Variants in RNF220 observed in about 807,000 individuals in gnomAD.
RNF220 encodes ring finger protein 220.
In RNF220, 7 loss-of-function variants were observed where a neutral mutation model predicts 67.1. That is an observed-to-expected ratio of 0.10 (90% CI 0.06 to 0.20). RNF220 has a LOEUF of 0.20. RNF220 is among the 10% of genes least tolerant of loss of function. The pLI is 1.00. For synonymous variants in RNF220, 270 were observed against 283.2 expected, an observed-to-expected ratio of 0.95 and a Z score of 0.47; for missense variants, 565 against 740.3, an observed-to-expected ratio of 0.76 and a Z score of 2.75.
intron 2 of RNF220, among the ~76,000 whole-genome samples, chr1:44,541,942 G>A (rs758242779): frequency 6.6e-6 from 1 of 152,180 alleles, no homozygotes; most frequent in Admixed American, 6.5e-5. Context: ...ATGCCCCCGG[G>A]TGGAGCAAGA....
At chr1:44,510,548 C>G (rs1042942359) in intron 2 of RNF220, among the ~76,000 whole-genome samples, 4 of 152,150 alleles carry the variant, frequency 2.6e-5, no homozygotes, top group African/African-American at 4.8e-5. Flanking sequence ...TTAACATCAC[C>G]CTCCCTGACT....
intron 4 of RNF220, 119 bp from the exon 5 acceptor site, chr1:44,626,177 TC>T: frequency 1.4e-6 from 1 of 698,628 alleles, no homozygotes; most frequent in East Asian, 2.7e-5. Context: ...GAGTGGTCTT[TC>T]TATCCCTCAG....
At position 44,626,229 on chromosome 1, in the gene RNF220, T is replaced by A. The variant is rs1048539248; in HGVS notation, c.805-68T>A. Reference sequence around the variant, plus strand: ...CTGGCTCCCCAAAGCACCACAGGACTGGGAACTCTAGGGACTGACTGTAGG... The same window carrying A: ...CTGGCTCCCCAAAGCACCACAGGACAGGGAACTCTAGGGACTGACTGTAGG... On this transcript the variant is annotated intron_variant, in intron 4 of 14. Transcript: ENST00000361799. 2.5e-6 allele frequency: 3 copies of A among 1,210,906 alleles called. No individual in the cohort carries two copies. The African/African-American group carries it at 4.5e-5, about 18-fold the overall frequency. 75.0% of individuals were successfully genotyped at this position (1,210,906 alleles called of 1,614,324 possible).
rs1196091016 is a variant in RNF220 at position 44,651,317 on chromosome 1, CCT to C, written c.*552_*553del. 3.9e-5 allele frequency: 7 copies of C among 178,224 alleles called. No individual in the cohort carries two copies. The highest frequency in any genetic ancestry group is 3.8e-4 in the South Asian group (3 of 7,982). The allele number at this position is 178,224 out of a possible 1,614,324, so 11.0% of individuals were successfully genotyped here. On this transcript the variant is annotated 3_prime_UTR_variant, in exon 15 of 15. Coordinates refer to ENST00000361799, the MANE Select transcript of RNF220 (RefSeq NM_018150.4). The stretch of plus-strand genomic sequence containing the variant: ...GCCCATCCACCTCTTGGGGTACCTG[CCT>C]CTCTCTCTCCTGTGGTGTCCCTTCC...
At chr1:44,500,970 T>C (rs1657797709) in intron 2 of RNF220, among the ~76,000 whole-genome samples, 2 of 136,342 alleles carry the variant, frequency 1.5e-5, no homozygotes, top group African/African-American at 2.7e-5. Context: ...AGAGTGGGCC[T>C]GGGGGCCCCA....
At chr1:44,632,467 C>A (rs1573128112) in intron 6 of RNF220, 82 bp downstream of exon 6, 3 of 1,219,954 alleles carry the variant, frequency 2.5e-6, no homozygotes, top group Non-Finnish European at 3.3e-6. Context: ...CCTGGCTTGC[C>A]TGGGTCTCTT....
chr1:44,475,297 G>A (rs759605839), intron 2 of RNF220, among the ~76,000 whole-genome samples: 28 of 152,236 alleles, frequency 1.8e-4, no homozygotes, highest in Non-Finnish European at 2.8e-4. Flanking sequence ...CAGGCTGGGC[G>A]CGGTGGCTCA....
chr1:44,646,382 C>A (rs1009635796), intron 12 of RNF220, among the ~76,000 whole-genome samples: 1 of 152,262 alleles, frequency 6.6e-6, no homozygotes. Context: ...GCCGGGGCCG[C>A]GAGTGCTGCT....
intron 2 of RNF220, among the ~76,000 whole-genome samples, chr1:44,472,132 A>C (rs1654868206): frequency 6.6e-6 from 1 of 152,170 alleles, no homozygotes; most frequent in South Asian, 2.1e-4. Context: ...GATGGAATGG[A>C]TCTTGTTTCC....
intron 2 of RNF220, among the ~76,000 whole-genome samples, chr1:44,463,354 G>GA (rs778712976): frequency 0.072 from 10,854 of 150,112 alleles, 444 homozygotes; most frequent in East Asian, 0.17. Context: ...AAAAAAGAAA[G>GA]AAAGAAAATA....
chr1:44,595,073 C>T (rs1666380620), intron 2 of RNF220, among the ~76,000 whole-genome samples: 1 of 152,194 alleles, frequency 6.6e-6, no homozygotes, highest in Non-Finnish European at 1.5e-5. Context: ...ACTGGTCTCA[C>T]CTAGGAGCTT....
chr1:44,494,649 A>C (rs558730611), intron 2 of RNF220, among the ~76,000 whole-genome samples: 1 of 152,316 alleles, frequency 6.6e-6, no homozygotes, highest in Non-Finnish European at 1.5e-5. Context: ...ATTTGTGGAA[A>C]TGTATTTGTT....
At chr1:44,547,509 AGACAGCTCCTTCTCT>A (rs1303567429) in intron 2 of RNF220, among the ~76,000 whole-genome samples, 1 of 152,052 alleles carries the variant, frequency 6.6e-6, no homozygotes, top group African/African-American at 2.4e-5. Context: ...TTCTCCTTGC[AGACAGCTCCTTCTCT>A]GGCTCTTTGC....
chr1:44,580,933 T>C (rs1665232153), intron 2 of RNF220, among the ~76,000 whole-genome samples: 1 of 152,200 alleles, frequency 6.6e-6, no homozygotes, highest in Non-Finnish European at 1.5e-5. Context: ...GCCTTGCTCT[T>C]CCCTTGATTT....
chr1:44,448,240 A>G lies in RNF220; in HGVS notation c.625+35518A>G, dbSNP rs541772670. Among the ~76,000 whole-genome samples the G allele has an allele frequency of 2.0e-5, 3 of 152,368 alleles. No individual in the cohort carries two copies. The South Asian group carries it at 6.2e-4, about 32-fold the overall frequency. On this transcript the variant is annotated intron_variant, in intron 2 of 14. Transcript: ENST00000361799. ...CTCGAACCTGCGAGGCAGAGGTTGC[A>G]GTGAGCCGAGATTGCCGCACTGCAG...
chr1:44,509,323 G>A (rs1658731711), intron 2 of RNF220, among the ~76,000 whole-genome samples: 1 of 151,942 alleles, frequency 6.6e-6, no homozygotes, highest in Non-Finnish European at 1.5e-5. Flanking sequence ...GGCCCAGGAG[G>A]GCAGATCACG....
Position 44,531,692 on chromosome 1 carries a change from CTT to C in RNF220, c.626-82471_626-82470del, listed in dbSNP as rs1572792094. Among the ~76,000 whole-genome samples, 3 of 152,296 alleles carry C rather than the reference CTT, an allele frequency of 2.0e-5. No homozygotes were observed. The East Asian group carries it at 5.8e-4, about 29-fold the overall frequency. ...AAAGACAGCCCCCAAAGCCATGACA[CTT>C]TGGGGTCAGAAGAGCCCTTCAAGAT... On this transcript the variant is annotated intron_variant, in intron 2 of 14. Transcript: ENST00000361799.
At chr1:44,631,236 T>TA (rs1419101507) in intron 5 of RNF220, among the ~76,000 whole-genome samples, 1 of 152,232 alleles carries the variant, frequency 6.6e-6, no homozygotes, top group African/African-American at 2.4e-5. Flanking sequence ...AATGTACTCT[T>TA]ACACAAGGCA....
chr1:44,610,752 C>A (rs1295568960), intron 2 of RNF220, among the ~76,000 whole-genome samples: 1 of 152,144 alleles, frequency 6.6e-6, no homozygotes, highest in Non-Finnish European at 1.5e-5. Flanking sequence ...ATTCCAGGGG[C>A]CTCGCCAGCC....
Sources: allele counts gnomAD v4.1 joint callset (sites outside exome capture counted in the v4.1 genomes callset), GRCh38; gene constraint gnomAD v4.1.1; transcripts MANE v1.5; gene names NCBI Gene and HGNC (gene_info 2026-07-23, HGNC 2026-07-21).